Variants in FRMD3 observed in about 807,000 individuals in gnomAD.
FRMD3 encodes the protein FERM domain-containing protein 3.
In FRMD3, 33 loss-of-function variants were observed where a neutral mutation model predicts 70.2. The observed-to-expected ratio is 0.47, with a 90% CI of 0.36 to 0.63. The LOEUF is 0.63. Ranked by LOEUF, FRMD3 falls within the 20% of genes least tolerant of loss-of-function variation. FRMD3 has a pLI of 0.00. For synonymous variants in FRMD3, 279 were observed against 255.9 expected (o/e 1.09, Z -0.86); for missense variants, 632 against 711.4 (o/e 0.89, Z 1.27).
rs1824483821 is a variant in FRMD3, at chr9:83,358,662, A to G, written c.296-8905T>C. Among the ~76,000 whole-genome samples, 6 of 147,560 alleles carry G rather than the reference A, an allele frequency of 4.1e-5. No individual in the cohort carries two copies. The South Asian group carries it at 1.3e-3, about 32-fold the overall frequency. On this transcript the variant is annotated intron_variant, in intron 3 of 13. Transcript: ENST00000304195. Reference sequence around the variant, plus strand: ...AGGTCTTTCACCTCCTTGGTTAGGTATATTCTTAAGTATTTATTTATTTAT... The same window carrying G: ...AGGTCTTTCACCTCCTTGGTTAGGTGTATTCTTAAGTATTTATTTATTTAT...
the FRMD3 span, among the ~76,000 whole-genome samples, chr9:83,553,349 C>G: frequency 1.3e-5 from 2 of 152,144 alleles, no homozygotes; most frequent in African/African-American, 4.8e-5. Flanking sequence ...CAGCTGTTAA[C>G]CTCATGGGGT....
At chr9:83,277,069 A>C (rs1833817658) in intron 13 of FRMD3, among the ~76,000 whole-genome samples, 1 of 152,230 alleles carries the variant, frequency 6.6e-6, no homozygotes, top group Non-Finnish European at 1.5e-5. Flanking sequence ...ATTCTCATAT[A>C]CAGTTTGGTG....
intron 1 of FRMD3, among the ~76,000 whole-genome samples, chr9:83,452,648 AT>A (rs1233085734): frequency 5.3e-5 from 8 of 151,530 alleles, no homozygotes; most frequent in African/African-American, 1.5e-4. Context: ...CACCCAGCTA[AT>A]TTTTTTGTAT....
At chr9:83,308,465 T>C (rs1835225213) in intron 10 of FRMD3, among the ~76,000 whole-genome samples, 1 of 152,072 alleles carries the variant, frequency 6.6e-6, no homozygotes, top group South Asian at 2.1e-4. Context: ...TTCAGGGAGA[T>C]GAGTCTAATC....
intron 1 of FRMD3, among the ~76,000 whole-genome samples, chr9:83,523,438 G>A (rs761833297): frequency 1.3e-5 from 2 of 151,942 alleles, no homozygotes; most frequent in African/African-American, 4.8e-5. Flanking sequence ...ATAACACCAA[G>A]AAAATGTTTT....
At chr9:83,350,860 G>A (rs1271455182) in intron 3 of FRMD3, 6 of 529,356 alleles carry the variant, frequency 1.1e-5, no homozygotes, top group Non-Finnish European at 1.5e-5. Context: ...GATCACTACC[G>A]ACTTGTAATA....
intron 2 of FRMD3, among the ~76,000 whole-genome samples, chr9:83,385,765 A>C (rs368413210): frequency 6.6e-6 from 1 of 152,146 alleles, no homozygotes; most frequent in Non-Finnish European, 1.5e-5. Context: ...TGGTCAATTA[A>C]TATCTGTTTA....
intron 1 of FRMD3, among the ~76,000 whole-genome samples, chr9:83,533,397 C>A (rs1221388665): frequency 3.3e-5 from 5 of 152,162 alleles, no homozygotes; most frequent in Non-Finnish European, 1.5e-5. Context: ...GTAATTTATC[C>A]AGTCAATAAT....
intron 13 of FRMD3, among the ~76,000 whole-genome samples, chr9:83,283,867 C>G (rs1458264665): frequency 6.6e-6 from 1 of 152,094 alleles, no homozygotes; most frequent in East Asian, 1.9e-4. Context: ...AAATATGTTC[C>G]CAATTCATTG....
intron 2 of FRMD3, among the ~76,000 whole-genome samples, chr9:83,384,606 C>A (rs569710184): frequency 1.3e-5 from 2 of 152,106 alleles, no homozygotes; most frequent in Non-Finnish European, 2.9e-5. Flanking sequence ...AGGGTTGTGA[C>A]GGTGGGGGAT....
At chr9:83,258,636 A>T (rs1445496598) in intron 13 of FRMD3, among the ~76,000 whole-genome samples, 3 of 152,228 alleles carry the variant, frequency 2.0e-5, no homozygotes, top group Non-Finnish European at 4.4e-5. Context: ...ATAATGAATC[A>T]TCTGCAATTT....
chr9:83,276,259 AG>A (rs1276671197), intron 13 of FRMD3: 3 of 152,248 alleles, frequency 2.0e-5, no homozygotes, highest in Non-Finnish European at 4.4e-5. Flanking sequence ...AATACTCTCA[AG>A]AAAGAGTCTA....
chr9:83,391,403 C>T (rs147041724), intron 1 of FRMD3, among the ~76,000 whole-genome samples: 4 of 152,228 alleles, frequency 2.6e-5, no homozygotes, highest in Middle Eastern at 3.4e-3. Context: ...AGCATTATCC[C>T]CTCACCAAAC....
chr9:83,484,857 A>C (rs1457010252), intron 1 of FRMD3, among the ~76,000 whole-genome samples: 1 of 152,254 alleles, frequency 6.6e-6, no homozygotes, highest in Non-Finnish European at 1.5e-5. Flanking sequence ...AAAAGGAAAC[A>C]ATATAGAGAA....
intron 3 of FRMD3, among the ~76,000 whole-genome samples, chr9:83,365,106 T>C (rs1029481663): frequency 6.6e-6 from 1 of 152,184 alleles, no homozygotes; most frequent in Admixed American, 6.5e-5. Context: ...GACCCACCAG[T>C]GGTCTTTTTA....
At chr9:83,580,760 C>T in the FRMD3 span, among the ~76,000 whole-genome samples, 18 of 152,160 alleles carry the variant, frequency 1.2e-4, no homozygotes, top group African/African-American at 4.3e-4. Context: ...GAAGAAATCT[C>T]AAATGTATTG....
rs1309179306 is a variant in FRMD3, at chr9:83,335,656, A to C, written c.473-17T>G. 5.6e-6 allele frequency: 9 copies of C among 1,607,290 alleles called. No individual in the cohort carries two copies. In the South Asian group the frequency reaches 7.8e-5, roughly 14 times the overall value. ...CAAGCTCAGCTGTAATGAGTGAAAA[A>C]ATAAAGAGACAGAGAAAGATTAAAA... On this transcript the variant is annotated splice_polypyrimidine_tract_variant and intron_variant, in intron 5 of 13. Transcript: ENST00000304195.
intron 3 of FRMD3, among the ~76,000 whole-genome samples, chr9:83,363,578 C>T (rs1420458093): frequency 7.7e-5 from 8 of 103,478 alleles, no homozygotes; most frequent in Admixed American, 1.4e-4. Context: ...TTTTTTGAGA[C>T]GGAGTCTCGC....
At chr9:83,335,690 A>C in intron 5 of FRMD3, 51 bp from the exon 6 acceptor site, 1 of 1,562,632 alleles carries the variant, frequency 6.4e-7, no homozygotes, top group Non-Finnish European at 8.7e-7. Flanking sequence ...AAACAATAAC[A>C]TGAGCAGGGT....
Sources: allele counts gnomAD v4.1 joint callset (sites outside exome capture counted in the v4.1 genomes callset), GRCh38; gene constraint gnomAD v4.1.1; transcripts MANE v1.5; gene names NCBI Gene and HGNC (gene_info 2026-07-23, HGNC 2026-07-21).